The following EIF4G3 variants were observed in gnomAD, a reference collection of about 807,000 sequenced individuals.
The protein encoded by EIF4G3 is eukaryotic translation initiation factor 4 gamma 3.
EIF4G3 carries 34 observed loss-of-function variants against 186.4 expected under a neutral mutation model. The observed-to-expected ratio is 0.18, with a 90% confidence interval of 0.14 to 0.24. The LOEUF is 0.24. EIF4G3 is among the 10% of genes least tolerant of loss of function. The pLI is 1.00. For synonymous variants in EIF4G3, 673 were observed against 679.5 expected, an observed-to-expected ratio of 0.99 and a Z score of 0.15; for missense variants, 1,536 against 1,948.5, an observed-to-expected ratio of 0.79 and a Z score of 3.99.
In EIF4G3 at chr1:20,810,675, A is replaced by G. The variant is rs886953296; in HGVS notation, c.4744+63T>C. The G allele has an allele frequency of 2.6e-6, 4 of 1,553,414 alleles. No individual in the cohort carries two copies. In the African/African-American group the frequency reaches 4.1e-5, roughly 16 times the overall value. ...TTTGTTCGAACCCTAAATCATCTCT[A>G]AGTCCTGGCTTGGATAAATCTCACT... On this transcript the variant is annotated intron_variant, in intron 36 of 36. Transcript: ENST00000602326. This position sits in a 1 kb window ranked among gnomAD's most constrained non-coding sequence, Gnocchi z 4.1.
At chr1:20,981,778 T>C (rs201774393) in intron 8 of EIF4G3, among the ~76,000 whole-genome samples, 36 of 151,566 alleles carry the variant, frequency 2.4e-4, no homozygotes, top group African/African-American at 5.6e-4. Context: ...ACTGTATATA[T>C]ACATACATAT....
intron 5 of EIF4G3, among the ~76,000 whole-genome samples, chr1:21,002,241 C>T (rs1191450697): frequency 6.6e-6 from 1 of 152,178 alleles, no homozygotes; most frequent in Non-Finnish European, 1.5e-5. Context: ...ATATGTCATG[C>T]ATATACCCAC....
At chr1:20,971,071 T>G (rs1292914652) in intron 11 of EIF4G3, among the ~76,000 whole-genome samples, 1 of 152,230 alleles carries the variant, frequency 6.6e-6, no homozygotes, top group Non-Finnish European at 1.5e-5. Context: ...TGGTCTTATT[T>G]TAATTTTTTT....
chr1:20,917,024 A>G (rs2093952665), intron 14 of EIF4G3, among the ~76,000 whole-genome samples: 1 of 152,236 alleles, frequency 6.6e-6, no homozygotes, highest in Admixed American at 6.5e-5. Context: ...TTATGTCCAT[A>G]CAAAGACTTG....
intron 4 of EIF4G3, among the ~76,000 whole-genome samples, chr1:21,029,473 G>T (rs943497133): frequency 2.0e-5 from 3 of 152,058 alleles, no homozygotes; most frequent in Non-Finnish European, 4.4e-5. Context: ...GTCGGGGGGG[G>T]GAAGGGAACT....
At chr1:20,829,297 T>G in intron 30 of EIF4G3, 25 bp from the exon 31 acceptor site, 1 of 1,607,066 alleles carries the variant, frequency 6.2e-7, no homozygotes, top group African/African-American at 1.3e-5. Flanking sequence ...GGGGTAAAAA[T>G]CACATGCAAA....
intron 29 of EIF4G3, among the ~76,000 whole-genome samples, chr1:20,846,422 C>T (rs1348749991): frequency 6.6e-6 from 1 of 152,130 alleles, no homozygotes; most frequent in Non-Finnish European, 1.5e-5. Context: ...TTCATAACCT[C>T]GCCCTTCCAT....
intron 2 of EIF4G3, among the ~76,000 whole-genome samples, chr1:21,156,299 T>C (rs1484153884): frequency 6.6e-6 from 1 of 152,190 alleles, no homozygotes; most frequent in Non-Finnish European, 1.5e-5. Flanking sequence ...AGCAGCTTCT[T>C]TCTCTTTTCT....
intron 3 of EIF4G3, among the ~76,000 whole-genome samples, chr1:21,085,684 A>G (rs1193789255): frequency 1.3e-5 from 2 of 152,162 alleles, no homozygotes; most frequent in African/African-American, 2.4e-5. Context: ...GGTAGGAGAC[A>G]GCACAATCAG....
intron 3 of EIF4G3, among the ~76,000 whole-genome samples, chr1:21,078,093 A>T (rs1274406192): frequency 6.6e-6 from 1 of 152,152 alleles, no homozygotes; most frequent in Non-Finnish European, 1.5e-5. Context: ...TAAAATTATA[A>T]GTGAATTCTA....
At chr1:21,019,439 A>G (rs1317575080) in intron 4 of EIF4G3, among the ~76,000 whole-genome samples, 1 of 152,230 alleles carries the variant, frequency 6.6e-6, no homozygotes, top group Admixed American at 6.5e-5. Context: ...TAAATGGTAG[A>G]CAGCTATATA....
At chr1:20,957,170 A>T (rs1409944325) in intron 12 of EIF4G3, among the ~76,000 whole-genome samples, 1 of 152,184 alleles carries the variant, frequency 6.6e-6, no homozygotes, top group East Asian at 1.9e-4. Context: ...GGACACTCAA[A>T]ATAAAAGCTT....
intron 20 of EIF4G3, among the ~76,000 whole-genome samples, chr1:20,875,967 G>A (rs2080659743): frequency 6.6e-6 from 1 of 151,858 alleles, no homozygotes; most frequent in African/African-American, 2.4e-5. Flanking sequence ...CACGTCTATG[G>A]TGCCAACACT....
At chr1:20,893,343 C>T (rs1409012824) in intron 18 of EIF4G3, 174 bp downstream of exon 18, 1 of 608,772 alleles carries the variant, frequency 1.6e-6, no homozygotes. Flanking sequence ...GTAAAAAGAA[C>T]TCAAGTGTAT....
rs900051887 is a variant in EIF4G3 at position 20,969,516 on chromosome 1, A to T, written c.672T>A (p.Thr224=). Residue 224 remains threonine, a synonymous_variant, in exon 12 of 37, where the codon ACT becomes ACA. Coordinates refer to ENST00000602326, the MANE Select transcript of EIF4G3 (RefSeq NM_001391906.1). ...IMSGGGSRNP[T]PPIGRPTSTP... ...TGGACGTGGGTCTTCCTATGGGTGG[A>T]GTAGGATTTCTGCTGCCACCTCCAG... 1 of 1,613,916 alleles carries T rather than the reference A, an allele frequency of 6.2e-7. No homozygotes were observed.
chr1:21,116,600 G>C (rs1389069717), intron 2 of EIF4G3, among the ~76,000 whole-genome samples: 1 of 152,080 alleles, frequency 6.6e-6, no homozygotes, highest in African/African-American at 2.4e-5. Flanking sequence ...CACTTTGGGA[G>C]GCTGAGGGGG....
At position 21,064,267 on chromosome 1, in the gene EIF4G3, A is replaced by C. The variant is rs575054542; in HGVS notation, c.-195-13273T>G. On this transcript the variant is annotated intron_variant, in intron 3 of 36. Coordinates refer to ENST00000602326, the MANE Select transcript of EIF4G3 (RefSeq NM_001391906.1). ...AGCCACCCAGAGACTGCAAGGACAC[A>C]ATCAGTGAGTGATCACTGATTCTTA... is the stretch of plus-strand genomic sequence containing the variant. Among the ~76,000 whole-genome samples, 11 of 152,274 alleles carry C rather than the reference A, an allele frequency of 7.2e-5. No homozygotes were observed. The South Asian group carries it at 2.3e-3, about 32-fold the overall frequency.
At chr1:20,995,019 C>T (rs953461487) in intron 7 of EIF4G3, among the ~76,000 whole-genome samples, 2 of 152,170 alleles carry the variant, frequency 1.3e-5, no homozygotes, top group South Asian at 4.1e-4. Context: ...AATCTGCTAA[C>T]ACTTTACTGA....
chr1:20,933,119 T>C (rs2095390891), intron 14 of EIF4G3, among the ~76,000 whole-genome samples: 1 of 152,206 alleles, frequency 6.6e-6, no homozygotes, highest in Non-Finnish European at 1.5e-5. Context: ...AGAGTTCATC[T>C]TGCAGGATAT....
Sources: gnomAD v4.1 joint callset for allele counts (sites outside exome capture counted in the v4.1 genomes callset) on GRCh38, gnomAD v4.1.1 for gene constraint, Gnocchi (gnomAD v3.1) non-coding constraint, MANE v1.5 for transcripts, NCBI Gene and HGNC (gene_info 2026-07-23, HGNC 2026-07-21) for gene names.